FAM178B: variants seen among roughly 807,000 people sequenced by gnomAD.
The protein encoded by FAM178B is family with sequence similarity 178 member B, also known as protein FAM178B.
In FAM178B, 82 loss-of-function variants were observed where a neutral mutation model predicts 91.7. That is an observed-to-expected ratio of 0.89 (90% CI 0.75 to 1.07). FAM178B has a LOEUF of 1.07. FAM178B is among the 50% of genes least tolerant of loss of function. FAM178B has a pLI of 0.00. For missense variants in FAM178B, 769 were observed against 846.7 expected (o/e 0.91, Z 1.14); for synonymous variants, 368 against 359.4 (o/e 1.02, Z -0.27).
chr2:96,946,482 C>T (rs2081830769), intron 8 of FAM178B, among the ~76,000 whole-genome samples: 1 of 151,048 alleles, frequency 6.6e-6, no homozygotes, highest in Admixed American at 6.6e-5. Context: ...ATTCTGTAGG[C>T]CAGTCCCTGG....
chr2:96,915,759 T>C (rs1294013811), intron 12 of FAM178B, among the ~76,000 whole-genome samples: 1 of 147,554 alleles, frequency 6.8e-6, no homozygotes, highest in African/African-American at 2.5e-5. Flanking sequence ...GAGGTTGCAG[T>C]GAGCTGAGAC....
At chr2:96,888,704 C>T (rs577664438) in intron 14 of FAM178B, among the ~76,000 whole-genome samples, 3 of 152,252 alleles carry the variant, frequency 2.0e-5, no homozygotes, top group African/African-American at 4.8e-5. Context: ...TATCAACACA[C>T]GCGGCACACC....
At chr2:96,877,747 C>T in intron 16 of FAM178B, 143 bp downstream of exon 16, 1 of 808,826 alleles carries the variant, frequency 1.2e-6, no homozygotes, top group East Asian at 2.7e-5. Flanking sequence ...GGCGTCCCCA[C>T]CCTTCCCCCA....
At chr2:96,914,373 A>C (rs908381490) in intron 12 of FAM178B, among the ~76,000 whole-genome samples, 10 of 152,184 alleles carry the variant, frequency 6.6e-5, no homozygotes, top group African/African-American at 2.4e-4. Context: ...GCATCAAGAC[A>C]CAAGTGCCCA....
intron 4 of FAM178B, among the ~76,000 whole-genome samples, chr2:96,970,085 A>G (rs1311499039): frequency 1.3e-5 from 2 of 152,184 alleles, no homozygotes. Context: ...GCCACCAAAG[A>G]GCATGCCCCC....
At chr2:96,903,040 TTTTA>T (rs2080964492) in intron 12 of FAM178B, among the ~76,000 whole-genome samples, 1 of 151,458 alleles carries the variant, frequency 6.6e-6, no homozygotes, top group Admixed American at 6.6e-5. Context: ...GCTTATTTTA[TTTTA>T]TTTTATTTTT....
intron 14 of FAM178B, among the ~76,000 whole-genome samples, chr2:96,884,823 C>G (rs1023162906): frequency 5.3e-5 from 8 of 152,194 alleles, no homozygotes; most frequent in African/African-American, 1.9e-4. Context: ...AGGGCGGTAT[C>G]GAAAGCTCTG....
chr2:96,939,940 T>C (rs1319475023), intron 8 of FAM178B, among the ~76,000 whole-genome samples: 1 of 152,178 alleles, frequency 6.6e-6, no homozygotes, highest in Non-Finnish European at 1.5e-5. Flanking sequence ...AAGAATAATG[T>C]TTTTAAAAAA....
chr2:96,889,403 G>A (rs940810627), intron 14 of FAM178B, among the ~76,000 whole-genome samples: 3 of 152,160 alleles, frequency 2.0e-5, no homozygotes, highest in African/African-American at 4.8e-5. Flanking sequence ...AGTAGGCCCG[G>A]TGCGGTGGCT....
intron 8 of FAM178B, among the ~76,000 whole-genome samples, chr2:96,938,226 C>T (rs1192840011): frequency 1.3e-5 from 2 of 152,186 alleles, no homozygotes; most frequent in Non-Finnish European, 2.9e-5. Flanking sequence ...AGCCCCAGCT[C>T]CACATAAAAA....
At chr2:96,948,031 A>C in intron 7 of FAM178B, 129 bp from the exon 8 acceptor site, 3 of 609,382 alleles carry the variant, frequency 4.9e-6, no homozygotes, top group Non-Finnish European at 8.9e-6. Context: ...TGTGTGGTAG[A>C]AGGACATTGT....
chr2:96,895,110 C>CCCCT, intron 13 of FAM178B: 1 of 1,289,478 alleles, frequency 7.8e-7, no homozygotes, highest in Non-Finnish European at 1.0e-6. Flanking sequence ...GTGTCTTCAG[C>CCCCT]CCCTGCCTTC....
At chr2:96,966,032 G>T (rs1324583794) in intron 5 of FAM178B, among the ~76,000 whole-genome samples, 7 of 151,874 alleles carry the variant, frequency 4.6e-5, no homozygotes, top group Non-Finnish European at 1.0e-4. Flanking sequence ...CACCTAACTG[G>T]TCTATCCTCA....
intron 1 of FAM178B, among the ~76,000 whole-genome samples, chr2:96,973,439 C>G (rs1485353710): frequency 6.6e-6 from 1 of 152,108 alleles, no homozygotes; most frequent in African/African-American, 2.4e-5. Context: ...ATTTAAGAGG[C>G]CCTGGGGCTG....
intron 12 of FAM178B, among the ~76,000 whole-genome samples, chr2:96,907,497 G>A (rs550354928): frequency 5.9e-5 from 9 of 152,300 alleles, no homozygotes; most frequent in Admixed American, 4.6e-4. Context: ...CCCAGCCACT[G>A]TCATATAAGG....
At chr2:96,905,828 A>ATATATATATG (rs1559063876) in intron 12 of FAM178B, among the ~76,000 whole-genome samples, 14 of 18,410 alleles carry the variant, frequency 7.6e-4, no homozygotes, top group African/African-American at 1.8e-3. Flanking sequence ...GTATATATAT[A>ATATATATATG]TATATATATA....
At chr2:96,897,923 C>T (rs1308575382) in intron 13 of FAM178B, 1 of 984,162 alleles carries the variant, frequency 1.0e-6, no homozygotes, top group Admixed American at 6.2e-5. Flanking sequence ...CCTGTGTGAC[C>T]TCAATGCTGT....
At chr2:96,924,642 A>T (rs1211631361) in intron 9 of FAM178B, among the ~76,000 whole-genome samples, 1 of 152,172 alleles carries the variant, frequency 6.6e-6, no homozygotes, top group Non-Finnish European at 1.5e-5. Context: ...CCTGGGCGGG[A>T]TCACCTTCAT....
chr2:96,956,532 G>T lies in FAM178B; in HGVS notation c.887+3756C>A, dbSNP rs374884631. On this transcript the variant is annotated intron_variant, in intron 6 of 16. Coordinates refer to ENST00000490605, the MANE Select transcript of FAM178B (RefSeq NM_001122646.3). ...GCCTACTTTGTTCAGAGGGAAGAAA[G>T]ATATTTTCCCCCTTTCACAGAAAGG... is the stretch of plus-strand genomic sequence containing the variant. Among the ~76,000 whole-genome samples the T allele has an allele frequency of 3.1e-4, 47 of 152,340 alleles. No homozygotes were observed. The East Asian group carries it at 6.6e-3, about 21-fold the overall frequency.
Sources: gnomAD v4.1 joint callset for allele counts (sites outside exome capture counted in the v4.1 genomes callset) on GRCh38, gnomAD v4.1.1 for gene constraint, MANE v1.5 for transcripts, NCBI Gene and HGNC (gene_info 2026-07-23, HGNC 2026-07-21) for gene names.